The following RCC1L variants were observed in gnomAD, a reference collection of about 807,000 sequenced individuals.
The protein encoded by RCC1L is RCC1 like.
In RCC1L, 46 loss-of-function variants were observed where a neutral mutation model predicts 58.6. That is an observed-to-expected ratio of 0.79 (90% CI 0.62 to 1.00). The LOEUF (loss-of-function observed/expected upper bound fraction) is 1.00, where lower values mean the gene tolerates loss of function less well. RCC1L is among the 50% of genes least tolerant of loss of function. RCC1L has a pLI of 0.00. For synonymous variants in RCC1L, 281 were observed against 262.9 expected (o/e 1.07, Z -0.67); for missense variants, 636 against 623.6 (o/e 1.02, Z -0.21).
intron 10 of RCC1L, among the ~76,000 whole-genome samples, chr7:75,033,265 G>A (rs1012096531): frequency 4.6e-5 from 7 of 152,036 alleles, no homozygotes; most frequent in Non-Finnish European, 8.8e-5. Flanking sequence ...GGGGTGCTGT[G>A]CTTGGACCAG....
chr7:75,070,882 G>A (rs782035397), intron 1 of RCC1L, 113 bp from the exon 2 acceptor site: 2 of 1,394,064 alleles, frequency 1.4e-6, no homozygotes, highest in South Asian at 1.3e-5. Flanking sequence ...CGGGGGTTTT[G>A]TTTTTGTTTT....
chr7:75,062,463 G>A (rs1016654025), intron 5 of RCC1L, among the ~76,000 whole-genome samples: 3 of 152,178 alleles, frequency 2.0e-5, no homozygotes, highest in South Asian at 2.1e-4. Context: ...AGCTATGATC[G>A]TGCCACTGCA....
chr7:75,046,022 C>G (rs1010553671), intron 10 of RCC1L, among the ~76,000 whole-genome samples: 1 of 152,220 alleles, frequency 6.6e-6, no homozygotes, highest in Non-Finnish European at 1.5e-5. Flanking sequence ...AGAGGGAAAC[C>G]GCCTAATCCA....
At chr7:75,053,959 G>A (rs1805996850) in intron 9 of RCC1L, among the ~76,000 whole-genome samples, 2 of 152,188 alleles carry the variant, frequency 1.3e-5, no homozygotes, top group South Asian at 4.1e-4. Context: ...CTGCGACGCA[G>A]TGGCACAAAC....
intron 10 of RCC1L, 128 bp from the exon 11 acceptor site, chr7:75,043,237 A>T (rs1805619596): frequency 1.4e-5 from 15 of 1,103,548 alleles, no homozygotes; most frequent in Non-Finnish European, 2.0e-5. Context: ...TCTCAGCAGG[A>T]GACAGCTTGT....
At chr7:75,052,861 T>C (rs1259415380) in intron 9 of RCC1L, 65 bp from the exon 10 acceptor site, 2 of 1,481,924 alleles carry the variant, frequency 1.3e-6, no homozygotes, top group East Asian at 2.3e-5. Flanking sequence ...AAGGAGAGGA[T>C]GGGTCATGAG....
chr7:75,073,367 A>C, intron 1 of RCC1L, 47 bp downstream of exon 1: 182 of 823,752 alleles, frequency 2.2e-4, no homozygotes, highest in Non-Finnish European at 2.9e-4. Context: ...GGAGGCCGGG[A>C]GCGCGGAAGA....
intron 5 of RCC1L, 132 bp from the exon 6 acceptor site, chr7:75,061,423 T>C: frequency 3.9e-6 from 3 of 767,128 alleles, no homozygotes; most frequent in Admixed American, 1.9e-5. Context: ...GACTGCTCCA[T>C]GCTCATCTTA....
chr7:75,066,901 G>C, intron 2 of RCC1L, 109 bp from the exon 3 acceptor site: 3 of 1,387,452 alleles, frequency 2.2e-6, no homozygotes, highest in Non-Finnish European at 2.8e-6. Flanking sequence ...AGGTAGGAAA[G>C]ACTCATCAAG....
chr7:75,042,782 G>T lies in RCC1L; in HGVS notation c.*250C>A. On this transcript the variant is annotated 3_prime_UTR_variant, in exon 11 of 11. Coordinates refer to ENST00000610322, the MANE Select transcript of RCC1L (RefSeq NM_030798.5). ...TTACTTGGAGAGAACAGAGACGTGC[G>T]GGCCACAGCGGCCCACCAAAGGCTG... The T allele has an allele frequency of 7.0e-7, 1 of 1,424,232 alleles. No homozygotes were observed. The highest frequency in any genetic ancestry group is 9.2e-7 in the Non-Finnish European group (1 of 1,083,546). The allele number at this position is 1,424,232 out of a possible 1,614,324, so 88.2% of individuals were successfully genotyped here.
chr7:75,071,351 C>T (rs1366104556), intron 1 of RCC1L, among the ~76,000 whole-genome samples: 5 of 152,044 alleles, frequency 3.3e-5, no homozygotes, highest in African/African-American at 1.2e-4. Context: ...GATCAAGACA[C>T]TATCTAGCAG....
chr7:75,042,950 C>T lies in RCC1L; in HGVS notation c.*82G>A, dbSNP rs921793657. Reference sequence around the variant, plus strand: ...CTCCGCCACCACCATCCAAGAACCCCGGGGGGCTGGCCACGCGCTGGCCTC... The same window carrying T: ...CTCCGCCACCACCATCCAAGAACCCTGGGGGGCTGGCCACGCGCTGGCCTC... On this transcript the variant is annotated 3_prime_UTR_variant, in exon 11 of 11. Transcript: ENST00000610322. The T allele has an allele frequency of 2.9e-5, 47 of 1,606,466 alleles. No homozygotes were observed. The highest frequency in any genetic ancestry group is 1.1e-4 in the East Asian group (5 of 44,702).
chr7:75,068,039 G>A (rs1356691402), intron 2 of RCC1L, among the ~76,000 whole-genome samples: 4 of 152,150 alleles, frequency 2.6e-5, no homozygotes, highest in East Asian at 1.9e-4. Context: ...TGTAACGCGG[G>A]CCGGGCACGG....
chr7:75,041,816 A>G (rs1017561515), downstream of RCC1L, among the ~76,000 whole-genome samples: 8 of 150,448 alleles, frequency 5.3e-5, no homozygotes. Context: ...GTGAGCTGAG[A>G]TCATGTTGCT....
In RCC1L at chr7:75,042,585, C is replaced by A; in HGVS notation, c.*447G>T. 1.0e-6 allele frequency: 1 copy of A among 1,004,230 alleles called. No individual in the cohort carries two copies. Among genetic ancestry groups the A allele is most frequent in the Non-Finnish European group, 1.2e-6 (1 of 840,528 alleles). The allele number at this position is 1,004,230 out of a possible 1,614,324, so 62.2% of individuals were successfully genotyped here. Reference sequence around the variant, plus strand: ...AAACCGAGGGCCGAAGCCAGCCTGACTCCCTCGCCTAAGCTGGGGCTCGGT... The same window carrying A: ...AAACCGAGGGCCGAAGCCAGCCTGAATCCCTCGCCTAAGCTGGGGCTCGGT... On this transcript the variant is annotated 3_prime_UTR_variant, in exon 11 of 11. Coordinates refer to ENST00000610322, the MANE Select transcript of RCC1L (RefSeq NM_030798.5).
chr7:75,064,656 TAAC>T lies in RCC1L; in HGVS notation c.584-11_584-9del. ...TGTTTCCCATGCTGAAGACTAAAAA[TAAC>T]ACCACCAATCAAATCAGTTCTGCAG... is the stretch of plus-strand genomic sequence containing the variant. On this transcript the variant is annotated splice_polypyrimidine_tract_variant and intron_variant, in intron 3 of 10. Transcript: ENST00000610322. The T allele has an allele frequency of 6.2e-7, 1 of 1,613,718 alleles. No individual in the cohort carries two copies. Among genetic ancestry groups the T allele is most frequent in the South Asian group, 1.1e-5 (1 of 91,066 alleles).
chr7:75,067,763 T>C (rs1457750704), intron 2 of RCC1L, among the ~76,000 whole-genome samples: 4 of 151,932 alleles, frequency 2.6e-5, no homozygotes, highest in African/African-American at 9.7e-5. Flanking sequence ...GAGGATCACT[T>C]GGGCCAGGGA....
rs1805375321 is a variant in RCC1L, at chr7:75,033,958, C to T, written c.1318-5879G>A. Among the ~76,000 whole-genome samples, 11 of 152,248 alleles carry T rather than the reference C, an allele frequency of 7.2e-5. No individual in the cohort carries two copies. The South Asian group carries it at 2.3e-3, about 32-fold the overall frequency. On this transcript the variant is annotated intron_variant, in intron 10 of 10. Transcript: ENST00000614461. ...GTCACTTTGCCGACCCTGGTTTTGT[C>T]ATGTGAATTTCAGCTGACTCGGGCA...
rs587629766 is a variant in RCC1L, at chr7:75,073,781, C to T, written c.-44G>A. ...GCAGCCTCTGGGCGCCGCCATCTTG[C>T]GTGACCCTTAACACCAGTCCTCGCC... On this transcript the variant is annotated 5_prime_UTR_variant, in exon 1 of 11. Transcript: ENST00000610322. 2.7e-6 allele frequency: 4 copies of T among 1,495,146 alleles called. No homozygotes were observed. The highest frequency in any genetic ancestry group is 1.4e-5 in the African/African-American group (1 of 70,960). The allele number at this position is 1,495,146 out of a possible 1,614,324, so 92.6% of individuals were successfully genotyped here. A position where few individuals can be genotyped will look rare whatever the true frequency, so the allele number is the denominator to read the frequency against.
Sources: gnomAD v4.1 joint callset for allele counts (sites outside exome capture counted in the v4.1 genomes callset) on GRCh38, gnomAD v4.1.1 for gene constraint, MANE v1.5 for transcripts, NCBI Gene and HGNC (gene_info 2026-07-23, HGNC 2026-07-21) for gene names.